Variants in FIGNL2 observed in about 807,000 individuals in gnomAD.
The protein encoded by FIGNL2 is fidgetin-like protein 2.
For synonymous variants in FIGNL2, 565 were observed against 484.0 expected (o/e 1.17, Z -2.20); for missense variants, 1,060 against 950.2 (o/e 1.12, Z -1.52).
chr12:51,821,455 GCCT>G lies in FIGNL2; in HGVS notation c.956_958del (p.Glu319del), dbSNP rs772567564. The G allele has an allele frequency of 2.6e-6, 4 of 1,537,520 alleles. No individual in the cohort carries two copies. The highest frequency in any genetic ancestry group is 1.4e-5 in the African/African-American group (1 of 71,164). ...GACGCCGCCACCGTACTTGCCCGAC[GCCT>G]CCTCCGCGGCTCCTGGCGGCTTGGC... On this transcript the variant is annotated inframe_deletion, in exon 2 of 2. Coordinates refer to ENST00000618634, the MANE Select transcript of FIGNL2 (RefSeq NM_001384995.1).
intron 1 of FIGNL2, among the ~76,000 whole-genome samples, chr12:51,824,870 A>G (rs12370880): frequency 0.29 from 43,975 of 151,908 alleles, 6,837 homozygotes; most frequent in Admixed American, 0.35. Flanking sequence ...ATGGTGAAAC[A>G]CCGTCTGTAC....
chr12:51,837,431 C>A (rs998492793), intron 1 of FIGNL2, among the ~76,000 whole-genome samples: 1 of 152,180 alleles, frequency 6.6e-6, no homozygotes, highest in Non-Finnish European at 1.5e-5. Context: ...CTGCCGGTAC[C>A]CCCTGTGACC....
Position 51,821,570 on chromosome 12 carries a change from C to T in FIGNL2, c.844G>A (p.Ala282Thr). The T allele has an allele frequency of 6.5e-7, 1 of 1,537,430 alleles. No homozygotes were observed. The highest frequency in any genetic ancestry group is 8.7e-7 in the Non-Finnish European group (1 of 1,150,190). The change falls in exon 2 of 2, where the codon GCG (alanine) becomes ACG (threonine). Residue 282 changes from alanine to threonine, a missense_variant. Transcript: ENST00000618634. Reference protein sequence around the residue: ...EGPEGRYRKYAYEPAKAPVAD... With the variant: ...EGPEGRYRKYTYEPAKAPVAD... ...ACGGGGGCCTTGGCGGGCTCGTACGCGTACTTGCGGTAGCGGCCCTCGGGC... is the reference window on the plus strand; with the variant it reads ...ACGGGGGCCTTGGCGGGCTCGTACGTGTACTTGCGGTAGCGGCCCTCGGGC...
At position 51,839,968 on chromosome 12, in the gene FIGNL2, T is replaced by C. The variant is rs111509072; in HGVS notation, c.-12+8572A>G. Among the ~76,000 whole-genome samples, 1,166 of 152,342 alleles carry C rather than the reference T, an allele frequency of 7.7e-3. 12 individuals are homozygous for C. The highest frequency in any genetic ancestry group is 0.013 in the Non-Finnish European group (859 of 68,018). On this transcript the variant is annotated intron_variant, in intron 1 of 1. Transcript: ENST00000618634. Reference sequence around the variant, plus strand: ...GAGGATGACCTGGACTTTTTAATGATAGTCATGACTTTTTGTCAGCAATTA... The same window carrying C: ...GAGGATGACCTGGACTTTTTAATGACAGTCATGACTTTTTGTCAGCAATTA...
chr12:51,823,948 G>A (rs896779677), intron 1 of FIGNL2, among the ~76,000 whole-genome samples: 1 of 152,250 alleles, frequency 6.6e-6, no homozygotes, highest in East Asian at 1.9e-4. Context: ...AGGAGGTGGT[G>A]CCTTTGCTGG....
intron 1 of FIGNL2, chr12:51,832,027 A>G (rs1378022502): frequency 6.6e-6 from 1 of 151,948 alleles, no homozygotes; most frequent in Non-Finnish European, 1.5e-5. Context: ...AATTTAATTT[A>G]TTTATTTTGA....
At position 51,845,461 on chromosome 12, in the gene FIGNL2, C is replaced by A. The variant is rs1311249402; in HGVS notation, c.-12+3079G>T. 2.5e-5 allele frequency: 4 copies of A among 160,904 alleles called. No individual in the cohort carries two copies. In the African/African-American group the frequency reaches 6.5e-4, roughly 26 times the overall value. The allele number at this position is 160,904 out of a possible 1,614,324, so 10.0% of individuals were successfully genotyped here. ...ATACTTGACCTCTTGTGGCTCACCGCCCCCCCCCCACAGTCTCTGTCCCCT... is the reference window on the plus strand; with the variant it reads ...ATACTTGACCTCTTGTGGCTCACCGACCCCCCCCCACAGTCTCTGTCCCCT... On this transcript the variant is annotated intron_variant, in intron 1 of 1. Transcript: ENST00000618634.
intron 1 of FIGNL2, among the ~76,000 whole-genome samples, chr12:51,829,808 GA>G (rs1337800971): frequency 6.7e-6 from 1 of 148,858 alleles, no homozygotes; most frequent in Non-Finnish European, 1.5e-5. Context: ...AAGGAAGGGA[GA>G]AAAGGAAGGA....
Position 51,822,014 on chromosome 12 carries a change from C to T in FIGNL2, c.400G>A (p.Val134Ile), listed in dbSNP as rs762199784. Reference sequence around the variant, plus strand: ...GGTTCAGGGAGGTTCCCGGCTAAAACTGGGGAGCCCCCCAGGGCCCCGGAA... The same window carrying T: ...GGTTCAGGGAGGTTCCCGGCTAAAATTGGGGAGCCCCCCAGGGCCCCGGAA... ...GGSGALGGSP[V>I]LAGNLPEPLY... is the part of the protein sequence containing the mutation. The change falls in exon 2 of 2, where the codon GTT becomes ATT. Residue 134 changes from valine (V) to isoleucine (I), a missense_variant. Transcript: ENST00000618634. 13 of 1,598,986 alleles carry T rather than the reference C, an allele frequency of 8.1e-6. No homozygotes were observed. The South Asian group carries it at 1.0e-4, about 12-fold the overall frequency.
chr12:51,843,366 G>A (rs1046473441), intron 1 of FIGNL2, among the ~76,000 whole-genome samples: 9 of 135,192 alleles, frequency 6.7e-5, no homozygotes, highest in African/African-American at 1.4e-4. Flanking sequence ...GCAAAACCCC[G>A]TCTCTACTAA....
chr12:51,824,080 T>C (rs1403063843), intron 1 of FIGNL2: 1 of 152,254 alleles, frequency 6.6e-6, no homozygotes, highest in African/African-American at 2.4e-5. Flanking sequence ...AGGGCTGCGC[T>C]AGCTCACGTA....
At chr12:51,823,330 C>G (rs1025996559) in intron 1 of FIGNL2, 2 of 152,182 alleles carry the variant, frequency 1.3e-5, no homozygotes, top group Non-Finnish European at 2.9e-5. Flanking sequence ...CTGAGCTTCC[C>G]AGTAGCCAAA....
rs1174960721 is a variant in FIGNL2, at chr12:51,821,340, C to T, written c.1074G>A (p.Gly358=). The change falls in exon 2 of 2, where the codon GGG becomes GGA. Residue 358 remains glycine (G), a synonymous_variant. Coordinates refer to ENST00000618634, the MANE Select transcript of FIGNL2 (RefSeq NM_001384995.1). ...FPERAPAPRG[G]FAVPSGETPK... ...GAGTCTCCCCCGACGGCACGGCGAA[C>T]CCCCCACGAGGAGCCGGGGCCCGCT... 4 of 1,496,572 alleles carry T rather than the reference C, an allele frequency of 2.7e-6. No homozygotes were observed. The highest frequency in any genetic ancestry group is 1.3e-5 in the South Asian group (1 of 79,856). The allele number at this position is 1,496,572 out of a possible 1,614,324, so 92.7% of individuals were successfully genotyped here.
chr12:51,828,019 C>G (rs963103919), intron 1 of FIGNL2, among the ~76,000 whole-genome samples: 1 of 152,174 alleles, frequency 6.6e-6, no homozygotes, highest in Admixed American at 6.5e-5. Context: ...CTGGCCCAGC[C>G]CTTTGTTCTT....
intron 1 of FIGNL2, chr12:51,847,994 G>C: frequency 4.7e-6 from 3 of 633,850 alleles, no homozygotes; most frequent in Non-Finnish European, 5.9e-6. Flanking sequence ...TGTTAGGGGC[G>C]CGGGGACCCT....
At chr12:51,836,807 G>A (rs1312398542) in intron 1 of FIGNL2, among the ~76,000 whole-genome samples, 1 of 152,100 alleles carries the variant, frequency 6.6e-6, no homozygotes, top group Non-Finnish European at 1.5e-5. Context: ...CCTCGTCCCA[G>A]GCTAGATGAA....
chr12:51,847,097 A>G, intron 1 of FIGNL2: 1 of 985,180 alleles, frequency 1.0e-6, no homozygotes, highest in African/African-American at 1.7e-5. Context: ...GCACCACAGC[A>G]CCGGGCAGCC....
intron 1 of FIGNL2, 80 bp from the exon 2 acceptor site, chr12:51,822,504 G>T: frequency 6.5e-7 from 1 of 1,527,682 alleles, no homozygotes; most frequent in Non-Finnish European, 8.9e-7. Context: ...AGGCCAGTCC[G>T]CCTAGACTGC....
Position 51,820,645 on chromosome 12 carries a change from G to C in FIGNL2, c.1769C>G (p.Thr590Arg). 6.6e-7 allele frequency: 1 copy of C among 1,522,722 alleles called. No homozygotes were observed. The highest frequency in any genetic ancestry group is 2.0e-5 in the Admixed American group (1 of 50,158). The allele number at this position is 1,522,722 out of a possible 1,614,324, so 94.3% of individuals were successfully genotyped here. The change falls in exon 2 of 2, where the codon ACG becomes AGG. Residue 590 changes from threonine (T) to arginine (R), a missense_variant. Physicochemically the swap from Thr to Arg is moderately conservative, Grantham distance 71. Transcript: ENST00000618634. Reference protein sequence around the residue: ...ERELAALVQGTQGFSGGELGQ... With the variant: ...ERELAALVQGRQGFSGGELGQ... Reference sequence around the variant, plus strand: ...CAGCTCGCCCCCAGAGAAGCCCTGCGTGCCCTGCACCAGCGCCGCCAGTTC... The same window carrying C: ...CAGCTCGCCCCCAGAGAAGCCCTGCCTGCCCTGCACCAGCGCCGCCAGTTC...
Sources: gnomAD v4.1 joint callset for allele counts (sites outside exome capture counted in the v4.1 genomes callset) on GRCh38, gnomAD v4.1.1 for gene constraint, MANE v1.5 for transcripts, NCBI Gene and HGNC (gene_info 2026-07-23, HGNC 2026-07-21) for gene names.